Variants in FBXL17 observed in about 807,000 individuals in gnomAD.
The protein encoded by FBXL17 is F-box/LRR-repeat protein 17.
In FBXL17, 22 loss-of-function variants were observed where a neutral mutation model predicts 66.2. That is an observed-to-expected ratio of 0.33 (90% CI 0.24 to 0.47). FBXL17 has a LOEUF of 0.47. FBXL17 is among the 20% of genes least tolerant of loss of function. The probability of loss-of-function intolerance (pLI) is 1.00; values close to 1 mark genes in which losing one functional copy is unlikely to be tolerated. For missense variants in FBXL17, 878 were observed against 948.2 expected (o/e 0.93, Z 0.97); for synonymous variants, 474 against 400.5 (o/e 1.18, Z -2.19).
At chr5:108,045,025 G>A (rs892083289) in intron 6 of FBXL17, among the ~76,000 whole-genome samples, 3 of 152,016 alleles carry the variant, frequency 2.0e-5, no homozygotes, top group South Asian at 2.1e-4. Flanking sequence ...ATCTTATCTC[G>A]TTCTTTGTCA....
Position 108,129,421 on chromosome 5 carries a change from A to G in FBXL17, c.1745+56696T>C, listed in dbSNP as rs144312591. On this transcript the variant is annotated intron_variant, in intron 6 of 8. Coordinates refer to ENST00000542267, the MANE Select transcript of FBXL17 (RefSeq NM_001163315.3). ...TCTGTAGTCTGATTTACACTCTTAA[A>G]ATAGACAACCTACCACTATCTGTTG... Among the ~76,000 whole-genome samples, 478 of 152,174 alleles carry G rather than the reference A, an allele frequency of 3.1e-3. 2 individuals carry two copies. The highest frequency in any genetic ancestry group is 0.011 in the African/African-American group (461 of 41,556).
intron 1 of FBXL17, among the ~76,000 whole-genome samples, chr5:108,374,910 A>G (rs1749314957): frequency 6.6e-6 from 1 of 152,172 alleles, no homozygotes; most frequent in Admixed American, 6.5e-5. Context: ...AAAGATCTTG[A>G]ATTGGCAACC....
intron 4 of FBXL17, among the ~76,000 whole-genome samples, chr5:108,344,837 C>G (rs1164301846): frequency 1.3e-5 from 2 of 152,108 alleles, no homozygotes; most frequent in Non-Finnish European, 2.9e-5. Context: ...ATGCACTATA[C>G]AAAAGTGATA....
intron 4 of FBXL17, among the ~76,000 whole-genome samples, chr5:108,332,766 T>C (rs1371612636): frequency 1.3e-5 from 2 of 151,724 alleles, no homozygotes; most frequent in Non-Finnish European, 2.9e-5. Context: ...CACCATCATG[T>C]CCAGCTAATT....
At chr5:107,977,982 T>C (rs1752648559) in intron 7 of FBXL17, among the ~76,000 whole-genome samples, 1 of 152,084 alleles carries the variant, frequency 6.6e-6, no homozygotes, top group African/African-American at 2.4e-5. Flanking sequence ...AAGGCCATGA[T>C]CTCTAACTTT....
chr5:108,181,735 T>A (rs532989403), intron 6 of FBXL17, among the ~76,000 whole-genome samples: 1 of 152,172 alleles, frequency 6.6e-6, no homozygotes, highest in African/African-American at 2.4e-5. Context: ...TATAAATTAA[T>A]ATCTAAAAGT....
intron 7 of FBXL17, among the ~76,000 whole-genome samples, chr5:107,943,986 T>C (rs1369931489): frequency 1.3e-5 from 2 of 152,320 alleles, no homozygotes; most frequent in African/African-American, 4.8e-5. Flanking sequence ...AGGTGCCTTG[T>C]ACATTGATGT....
chr5:108,050,591 T>C (rs569224406), intron 6 of FBXL17, among the ~76,000 whole-genome samples: 9 of 152,096 alleles, frequency 5.9e-5, no homozygotes, highest in African/African-American at 2.2e-4. Context: ...AACGCCCACA[T>C]CAGAAAGCTA....
chr5:108,067,641 C>T lies in FBXL17; in HGVS notation c.1746-46640G>A, dbSNP rs115496108. ...TTTAACTATAATTAAGACTACTGCA[C>T]GTTTAGAACCCAACTTTGTATTTGT... On this transcript the variant is annotated intron_variant, in intron 6 of 8. Coordinates refer to ENST00000542267, the MANE Select transcript of FBXL17 (RefSeq NM_001163315.3). Among the ~76,000 whole-genome samples, 748 of 152,146 alleles carry T rather than the reference C, an allele frequency of 4.9e-3. 5 individuals are homozygous for T. Among genetic ancestry groups the T allele is most frequent in the African/African-American group, 0.017 (722 of 41,510 alleles).
At chr5:107,902,145 T>C (rs531510923) in intron 7 of FBXL17, among the ~76,000 whole-genome samples, 1 of 152,304 alleles carries the variant, frequency 6.6e-6, no homozygotes, top group African/African-American at 2.4e-5. Context: ...TTCTAATTGT[T>C]TCCGTACTAT....
At chr5:107,977,935 G>C (rs528371254) in intron 7 of FBXL17, among the ~76,000 whole-genome samples, 13 of 152,280 alleles carry the variant, frequency 8.5e-5, no homozygotes, top group African/African-American at 3.1e-4. Flanking sequence ...GGTTAGGAAA[G>C]CTAGCTGGAG....
At chr5:108,310,026 A>T (rs555349838) in intron 4 of FBXL17, among the ~76,000 whole-genome samples, 1 of 152,258 alleles carries the variant, frequency 6.6e-6, no homozygotes, top group East Asian at 1.9e-4. Flanking sequence ...AATGCAAAAT[A>T]TTATTCTATA....
chr5:108,201,004 T>A (rs566038959), intron 5 of FBXL17, among the ~76,000 whole-genome samples: 10 of 152,140 alleles, frequency 6.6e-5, no homozygotes, highest in Non-Finnish European at 1.5e-4. Flanking sequence ...AAGCCCAAAT[T>A]CTGCTAAAAT....
intron 5 of FBXL17, among the ~76,000 whole-genome samples, chr5:108,213,155 A>T (rs549169408): frequency 3.3e-5 from 5 of 152,090 alleles, no homozygotes; most frequent in Admixed American, 3.3e-4. Flanking sequence ...CCCCCTACCG[A>T]GCTTGAGCCA....
intron 6 of FBXL17, among the ~76,000 whole-genome samples, chr5:108,110,963 T>C (rs1243035479): frequency 2.0e-5 from 3 of 152,200 alleles, no homozygotes. Flanking sequence ...ATACATTGAA[T>C]AGTCCACATT....
At chr5:108,101,639 A>T (rs896456769) in intron 6 of FBXL17, among the ~76,000 whole-genome samples, 2 of 152,248 alleles carry the variant, frequency 1.3e-5, no homozygotes, top group East Asian at 3.8e-4. Context: ...AAGAGGAGAA[A>T]ATGTTTATAA....
At chr5:108,315,981 G>A (rs1306841445) in intron 4 of FBXL17, among the ~76,000 whole-genome samples, 1 of 151,414 alleles carries the variant, frequency 6.6e-6, no homozygotes, top group African/African-American at 2.4e-5. Context: ...TGACTAAAAT[G>A]CTGCCCTGCA....
chr5:108,187,909 G>C (rs1328969365), intron 5 of FBXL17, among the ~76,000 whole-genome samples: 1 of 152,168 alleles, frequency 6.6e-6, no homozygotes, highest in East Asian at 1.9e-4. Context: ...GAGAAGACTA[G>C]ACACTTGAAT....
At chr5:108,208,868 G>A (rs372885515) in intron 5 of FBXL17, among the ~76,000 whole-genome samples, 2 of 152,126 alleles carry the variant, frequency 1.3e-5, no homozygotes, top group African/African-American at 4.8e-5. Context: ...GCAGCTTCAT[G>A]GGGATAGCTT....
Sources: allele counts gnomAD v4.1 joint callset (sites outside exome capture counted in the v4.1 genomes callset), GRCh38; gene constraint gnomAD v4.1.1; transcripts MANE v1.5; gene names NCBI Gene and HGNC (gene_info 2026-07-23, HGNC 2026-07-21).